FTMT: variants seen among roughly 807,000 people sequenced by gnomAD.
FTMT encodes the protein ferritin, mitochondrial.
In FTMT, 5 loss-of-function variants were observed where a neutral mutation model predicts 4.9. The observed-to-expected ratio is 1.03, with a 90% confidence interval of 0.54 to 2.16. The LOEUF (loss-of-function observed/expected upper bound fraction) is 2.16, where lower values mean the gene tolerates loss of function less well. Among genes scored for constraint, FTMT ranks in the 30% most tolerant of loss-of-function variants. The pLI is 0.01. For missense variants in FTMT, 393 were observed against 323.0 expected (o/e 1.22, Z -1.66); for synonymous variants, 174 against 143.6 (o/e 1.21, Z -1.51).
rs1210686949 is a variant in FTMT at position 121,852,050 on chromosome 5, G to A, written c.87G>A (p.Pro29=). ...CGGTGCGCTGCTGCTTCGCGCTCCC[G>A]CTGCGTTGGGCCCCGGGGCGCCCCT... ...LRPVRCCFAL[P]LRWAPGRPLD... The change falls in exon 1 of 1, where the codon CCG becomes CCA. Residue 29 remains proline (P), a synonymous_variant. Coordinates refer to ENST00000321339, the MANE Select transcript of FTMT (RefSeq NM_177478.2). The A allele has an allele frequency of 1.9e-6, 3 of 1,592,264 alleles. No homozygotes were observed. The highest frequency in any genetic ancestry group is 1.7e-6 in the Non-Finnish European group (2 of 1,175,168).
Position 121,852,528 on chromosome 5 carries a change from TTG to T in FTMT, c.568_569del (p.Cys190ArgfsTer10), listed in dbSNP as rs1365031425. On this transcript the variant is annotated frameshift_variant, in exon 1 of 1. Coordinates refer to ENST00000321339, the MANE Select transcript of FTMT (RefSeq NM_177478.2). LOFTEE classifies it high-confidence loss of function. ...ALASDKGDPH[L>X]CDFLETYYLN... ...AGCCTCAGATAAAGGTGACCCCCAT[TTG>T]TGCGATTTCCTGGAAACCTACTACC... The T allele has an allele frequency of 6.2e-7, 1 of 1,613,936 alleles. No homozygotes were observed. Among genetic ancestry groups the T allele is most frequent in the African/African-American group, 1.3e-5 (1 of 74,882 alleles).
chr5:121,852,528 T>C lies in FTMT; in HGVS notation c.565T>C (p.Leu189=). The change falls in exon 1 of 1, where the codon TTG becomes CTG. Residue 189 remains leucine, a synonymous_variant. Transcript: ENST00000321339. ...ALASDKGDPH[L]CDFLETYYLN... ...AGCCTCAGATAAAGGTGACCCCCAT[T>C]TGTGCGATTTCCTGGAAACCTACTA... The C allele has an allele frequency of 6.2e-7, 1 of 1,614,054 alleles. No individual in the cohort carries two copies. Among genetic ancestry groups the C allele is most frequent in the Non-Finnish European group, 8.5e-7 (1 of 1,180,006 alleles).
Position 121,852,186 on chromosome 5 carries a change from G to T in FTMT, c.223G>T (p.Asp75Tyr). The T allele has an allele frequency of 6.2e-7, 1 of 1,612,902 alleles. No individual in the cohort carries two copies. Among genetic ancestry groups the T allele is most frequent in the Non-Finnish European group, 8.5e-7 (1 of 1,179,394 alleles). The part of the protein sequence containing the change: ...PSRVRQNFHP[D>Y]SEAAINRQIN... ...TCGGGTGCGCCAGAACTTCCACCCC[G>T]ACTCCGAGGCTGCCATCAACCGCCA... Residue 75 changes from aspartate (D) to tyrosine (Y), a missense_variant, in exon 1 of 1, where the codon GAC becomes TAC. Physicochemically the swap from Asp to Tyr is radical, Grantham distance 160 (BLOSUM62 -3). Transcript: ENST00000321339.
At position 121,852,089 on chromosome 5, in the gene FTMT, G is replaced by C. The variant is rs1323310260; in HGVS notation, c.126G>C (p.Gln42His). Residue 42 changes from glutamine to histidine, a missense_variant, in exon 1 of 1, where the codon CAG becomes CAC. Physicochemically the swap from Gln to His is conservative, Grantham distance 24 (BLOSUM62 0). Coordinates refer to ENST00000321339, the MANE Select transcript of FTMT (RefSeq NM_177478.2). ...CGGGGCGCCCCTTGGACCCCAGGCAGATCGCCCCCCGCCGCCCCCTGGCCG... is the reference window on the plus strand; with the variant it reads ...CGGGGCGCCCCTTGGACCCCAGGCACATCGCCCCCCGCCGCCCCCTGGCCG... ...WAPGRPLDPRQIAPRRPLAAA... is the reference protein window; with the variant it reads ...WAPGRPLDPRHIAPRRPLAAA... 6.3e-7 allele frequency: 1 copy of C among 1,582,302 alleles called. No homozygotes were observed. The highest frequency in any genetic ancestry group is 8.6e-7 in the Non-Finnish European group (1 of 1,168,916).
Position 121,852,261 on chromosome 5 carries a change from T to A in FTMT, c.298T>A (p.Tyr100Asn). 1 of 1,614,162 alleles carries A rather than the reference T, an allele frequency of 6.2e-7. No homozygotes were observed. Among genetic ancestry groups the A allele is most frequent in the Non-Finnish European group, 8.5e-7 (1 of 1,180,026 alleles). ...CTACGTGTACTTGTCCATGGCCTAT[T>A]ACTTCTCCCGGGATGACGTGGCCTT... is the stretch of plus-strand genomic sequence containing the variant. ...ASYVYLSMAY[Y>N]FSRDDVALNN... is the part of the protein sequence containing the mutation. The change falls in exon 1 of 1, where the codon TAC becomes AAC. Residue 100 changes from tyrosine (Y) to asparagine (N), a missense_variant. By Grantham distance (143) the Tyr-to-Asn change is moderately radical. Coordinates refer to ENST00000321339, the MANE Select transcript of FTMT (RefSeq NM_177478.2).
rs1283208258 is a variant in FTMT, at chr5:121,852,644, G to A, written c.681G>A (p.Glu227=). Residue 227 remains glutamate (E), a synonymous_variant, in exon 1 of 1, where the codon GAG becomes GAA. Transcript: ENST00000321339. ...GGGCCCCGGATGCTGGCCTGGCGGA[G>A]TACCTTTTTGACACACATACCCTTG... ...KMGAPDAGLA[E]YLFDTHTLGN... The A allele has an allele frequency of 6.2e-7, 1 of 1,614,046 alleles. No homozygotes were observed. The highest frequency in any genetic ancestry group is 1.1e-5 in the South Asian group (1 of 91,076).
rs1204842826 is a variant in FTMT, at chr5:121,852,533, C to T, written c.570C>T (p.Cys190=). The part of the protein sequence containing the change: ...LASDKGDPHL[C]DFLETYYLNE... ...CAGATAAAGGTGACCCCCATTTGTG[C>T]GATTTCCTGGAAACCTACTACCTGA... Residue 190 remains cysteine (C), a synonymous_variant, in exon 1 of 1, where the codon TGC becomes TGT. Coordinates refer to ENST00000321339, the MANE Select transcript of FTMT (RefSeq NM_177478.2). The T allele has an allele frequency of 1.2e-6, 2 of 1,614,056 alleles. No homozygotes were observed. The highest frequency in any genetic ancestry group is 2.2e-5 in the East Asian group (1 of 44,850).
Position 121,851,995 on chromosome 5 carries a change from A to C in FTMT, c.32A>C (p.His11Pro), listed in dbSNP as rs749390830. 2.1e-5 allele frequency: 34 copies of C among 1,594,050 alleles called. No homozygotes were observed. In the South Asian group the frequency reaches 3.7e-4, roughly 18 times the overall value. Residue 11 changes from histidine (H) to proline (P), a missense_variant, in exon 1 of 1, where the codon CAC (histidine) becomes CCC (proline). His to Pro is a moderately conservative substitution (Grantham distance 77, BLOSUM62 -2). Coordinates refer to ENST00000321339, the MANE Select transcript of FTMT (RefSeq NM_177478.2). MLSCFRLLSR[H>P]ISPSLASLRP... The stretch of plus-strand genomic sequence containing the variant: ...TCCTGCTTCAGGCTCCTCTCCAGGC[A>C]CATCAGCCCTTCGCTGGCGTCTCTG...
chr5:121,852,407 G>A lies in FTMT; in HGVS notation c.444G>A (p.Pro148=), dbSNP rs143840903. 1.2e-5 allele frequency: 19 copies of A among 1,614,018 alleles called. No individual in the cohort carries two copies. Among genetic ancestry groups the A allele is most frequent in the Non-Finnish European group, 1.5e-5 (18 of 1,180,040 alleles). The change falls in exon 1 of 1, where the codon CCG becomes CCA. Residue 148 remains proline, a synonymous_variant. Coordinates refer to ENST00000321339, the MANE Select transcript of FTMT (RefSeq NM_177478.2). ...TCCGCCTGCAGGACATCAAGAAGCC[G>A]GAACAGGACGACTGGGAAAGCGGGC... is the stretch of plus-strand genomic sequence containing the variant. ...GRIRLQDIKK[P]EQDDWESGLH...
rs943689270 is a variant in FTMT, at chr5:121,851,885, C to T, written c.-79C>T. 35 of 1,447,426 alleles carry T rather than the reference C, an allele frequency of 2.4e-5. No homozygotes were observed. Among genetic ancestry groups the T allele is most frequent in the Non-Finnish European group, 3.2e-5 (35 of 1,102,604 alleles). The allele number at this position is 1,447,426 out of a possible 1,614,324, so 89.7% of individuals were successfully genotyped here. A position where few individuals can be genotyped will look rare whatever the true frequency, so the allele number is the denominator to read the frequency against. ...CCGTTGCCTAGGGCCACGTTCTGAT[C>T]AGATCTGACGCCTCCAGCGCCCGAC... On this transcript the variant is annotated 5_prime_UTR_variant, in exon 1 of 1. Transcript: ENST00000321339.
rs558410105 is a variant in FTMT, at chr5:121,852,096, C to T, written c.133C>T (p.Pro45Ser). The T allele has an allele frequency of 7.0e-6, 11 of 1,574,474 alleles. No individual in the cohort carries two copies. Among genetic ancestry groups the T allele is most frequent in the South Asian group, 3.4e-5 (3 of 87,380 alleles). Reference sequence around the variant, plus strand: ...CCCCTTGGACCCCAGGCAGATCGCCCCCCGCCGCCCCCTGGCCGCAGCCGC... The same window carrying T: ...CCCCTTGGACCCCAGGCAGATCGCCTCCCGCCGCCCCCTGGCCGCAGCCGC... ...GRPLDPRQIA[P>S]RRPLAAAASS... The change falls in exon 1 of 1, where the codon CCC (proline) becomes TCC (serine). Residue 45 changes from proline (P) to serine (S), a missense_variant. Pro to Ser is a moderately conservative substitution (Grantham distance 74, BLOSUM62 -1). Coordinates refer to ENST00000321339, the MANE Select transcript of FTMT (RefSeq NM_177478.2).
Position 121,852,227 on chromosome 5 carries a change from C to G in FTMT, c.264C>G (p.Leu88=). The part of the protein sequence containing the change: ...AAINRQINLE[L]YASYVYLSMA... ...TCAACCGCCAGATCAACCTCGAGCT[C>G]TATGCGTCCTACGTGTACTTGTCCA... Residue 88 remains leucine, a synonymous_variant, in exon 1 of 1, where the codon CTC becomes CTG. Transcript: ENST00000321339. 1 of 1,614,186 alleles carries G rather than the reference C, an allele frequency of 6.2e-7. No homozygotes were observed. Among genetic ancestry groups the G allele is most frequent in the South Asian group, 1.1e-5 (1 of 91,082 alleles).
Position 121,851,890 on chromosome 5 carries a change from C to G in FTMT, c.-74C>G. 1 of 1,479,472 alleles carries G rather than the reference C, an allele frequency of 6.8e-7. No homozygotes were observed. The highest frequency in any genetic ancestry group is 8.9e-7 in the Non-Finnish European group (1 of 1,121,392). 91.6% of individuals were successfully genotyped at this position (1,479,472 alleles called of 1,614,324 possible). A position where few individuals can be genotyped will look rare whatever the true frequency, so the allele number is the denominator to read the frequency against. On this transcript the variant is annotated 5_prime_UTR_variant, in exon 1 of 1. The change creates a new upstream start codon in the 5' untranslated region. Transcript: ENST00000321339. ...GCCTAGGGCCACGTTCTGATCAGAT[C>G]TGACGCCTCCAGCGCCCGACCCCAC... is the stretch of plus-strand genomic sequence containing the variant.
chr5:121,852,013 C>T lies in FTMT; in HGVS notation c.50C>T (p.Ala17Val), dbSNP rs570905707. The T allele has an allele frequency of 3.8e-6, 6 of 1,594,158 alleles. No homozygotes were observed. The African/African-American group carries it at 4.1e-5, about 11-fold the overall frequency. The change falls in exon 1 of 1, where the codon GCG (alanine) becomes GTG (valine). Residue 17 changes from alanine (A) to valine (V), a missense_variant. Ala to Val is a moderately conservative substitution (Grantham distance 64, BLOSUM62 0). Transcript: ENST00000321339. Reference protein sequence around the residue: ...LLSRHISPSLASLRPVRCCFA... With the variant: ...LLSRHISPSLVSLRPVRCCFA... ...TCCAGGCACATCAGCCCTTCGCTGG[C>T]GTCTCTGCGCCCGGTGCGCTGCTGC...
Position 121,852,235 on chromosome 5 carries a change from C to A in FTMT, c.272C>A (p.Ser91Tyr). ...NRQINLELYA[S>Y]YVYLSMAYYF... ...CAGATCAACCTCGAGCTCTATGCGT[C>A]CTACGTGTACTTGTCCATGGCCTAT... Residue 91 changes from serine (S) to tyrosine (Y), a missense_variant, in exon 1 of 1, where the codon TCC (serine) becomes TAC (tyrosine). Ser to Tyr is a moderately radical substitution (Grantham distance 144). Transcript: ENST00000321339. The A allele has an allele frequency of 2.5e-6, 4 of 1,614,208 alleles. No individual in the cohort carries two copies. The highest frequency in any genetic ancestry group is 3.4e-6 in the Non-Finnish European group (4 of 1,180,030).
At position 121,852,063 on chromosome 5, in the gene FTMT, C is replaced by A. The variant is rs748283466; in HGVS notation, c.100C>A (p.Pro34Thr). ...CTTCGCGCTCCCGCTGCGTTGGGCCCCGGGGCGCCCCTTGGACCCCAGGCA... is the reference window on the plus strand; with the variant it reads ...CTTCGCGCTCCCGCTGCGTTGGGCCACGGGGCGCCCCTTGGACCCCAGGCA... The part of the protein sequence containing the change: ...CCFALPLRWA[P>T]GRPLDPRQIA... Residue 34 changes from proline to threonine, a missense_variant, in exon 1 of 1, where the codon CCG (proline) becomes ACG (threonine). Transcript: ENST00000321339. The A allele has an allele frequency of 3.6e-5, 57 of 1,590,742 alleles. No homozygotes were observed. Among genetic ancestry groups the A allele is most frequent in the Non-Finnish European group, 4.8e-5 (56 of 1,174,354 alleles).
rs1464615222 is a variant in FTMT at position 121,852,668 on chromosome 5, T to C, written c.705T>C (p.Leu235=). The change falls in exon 1 of 1, where the codon CTT becomes CTC. Residue 235 remains leucine, a synonymous_variant. Transcript: ENST00000321339. ...AGTACCTTTTTGACACACATACCCT[T>C]GGAAATGAAAACAAGCAGAACTAAG... ...LAEYLFDTHT[L]GNENKQN The C allele has an allele frequency of 6.2e-7, 1 of 1,613,336 alleles. No individual in the cohort carries two copies. The highest frequency in any genetic ancestry group is 2.2e-5 in the East Asian group (1 of 44,858).
rs1423035857 is a variant in FTMT, at chr5:121,852,354, A to G, written c.391A>G (p.Arg131Gly). ...EETEHAEKLM[R>G]LQNQRGGRIR... ...GACCGAGCACGCGGAGAAGCTGATG[A>G]GGCTGCAGAACCAGCGAGGAGGCCG... Residue 131 changes from arginine (R) to glycine (G), a missense_variant, in exon 1 of 1, where the codon AGG becomes GGG. By Grantham distance (125) the Arg-to-Gly change is moderately radical. Coordinates refer to ENST00000321339, the MANE Select transcript of FTMT (RefSeq NM_177478.2). 1.2e-6 allele frequency: 2 copies of G among 1,614,048 alleles called. No homozygotes were observed. The highest frequency in any genetic ancestry group is 2.7e-5 in the African/African-American group (2 of 74,918).
Position 121,852,574 on chromosome 5 carries a change from C to T in FTMT, c.611C>T (p.Ser204Phe). Reference protein sequence around the residue: ...ETYYLNEQVKSIKELGDHVHN... With the variant: ...ETYYLNEQVKFIKELGDHVHN... The stretch of plus-strand genomic sequence containing the variant: ...TACTACCTGAATGAGCAGGTGAAGT[C>T]TATCAAAGAACTAGGTGACCACGTG... The change falls in exon 1 of 1, where the codon TCT becomes TTT. Residue 204 changes from serine (S) to phenylalanine (F), a missense_variant. Physicochemically the swap from Ser to Phe is radical, Grantham distance 155 (BLOSUM62 -2). Coordinates refer to ENST00000321339, the MANE Select transcript of FTMT (RefSeq NM_177478.2). 6.2e-7 allele frequency: 1 copy of T among 1,614,144 alleles called. No individual in the cohort carries two copies. Among genetic ancestry groups the T allele is most frequent in the South Asian group, 1.1e-5 (1 of 91,086 alleles).
Sources: allele counts gnomAD v4.1 joint callset, GRCh38; gene constraint gnomAD v4.1.1; transcripts MANE v1.5; gene names NCBI Gene and HGNC (gene_info 2026-07-23, HGNC 2026-07-21).